The following ARHGAP21 variants were observed in gnomAD, a reference collection of about 807,000 sequenced individuals.
ARHGAP21 encodes rho GTPase-activating protein 21.
Under a neutral mutation model 164.6 loss-of-function variants are expected in ARHGAP21, and 38 were observed. The ratio of observed to expected loss-of-function variants is 0.23; its 90% CI spans 0.18 to 0.30. The LOEUF is 0.30. ARHGAP21 is among the 10% of genes least tolerant of loss of function. The pLI, the probability that ARHGAP21 is intolerant of heterozygous loss-of-function variation, is 1.00. For missense variants in ARHGAP21, 1,822 were observed against 2,370.7 expected, an observed-to-expected ratio of 0.77 and a Z score of 4.81; for synonymous variants, 766 against 857.9, an observed-to-expected ratio of 0.89 and a Z score of 1.87.
At chr10:24,601,110 G>A (rs935057558) in intron 13 of ARHGAP21, among the ~76,000 whole-genome samples, 180 bp from the exon 14 acceptor site, 2 of 152,170 alleles carry the variant, frequency 1.3e-5, no homozygotes, top group African/African-American at 4.8e-5. Context: ...AGCATAAACT[G>A]AGTTAGGCAG....
chr10:24,685,595 G>C (rs1015987856), intron 2 of ARHGAP21, among the ~76,000 whole-genome samples: 14 of 152,244 alleles, frequency 9.2e-5, no homozygotes, highest in Admixed American at 6.5e-4. Flanking sequence ...TTGTCTTCTT[G>C]GCTGGTGCAG....
intron 4 of ARHGAP21, 34 bp downstream of exon 4, chr10:24,666,951 C>T: frequency 7.1e-7 from 1 of 1,411,196 alleles, no homozygotes; most frequent in Middle Eastern, 1.9e-4. Flanking sequence ...GGTAGAAAAA[C>T]ATTCAGAGAT....
chr10:24,607,856 C>T lies in ARHGAP21; in HGVS notation c.2470G>A (p.Ala824Thr). The change falls in exon 10 of 26, where the codon GCC (alanine) becomes ACC (threonine). Residue 824 changes from alanine (A) to threonine (T), a missense_variant. By Grantham distance (58) the Ala-to-Thr change is moderately conservative. This residue lies in a region of ARHGAP21 where 1,090 missense variants were observed against 1,378.9 expected (regional missense o/e 0.79). Coordinates refer to ENST00000396432, the MANE Select transcript of ARHGAP21 (RefSeq NM_020824.4). The part of the protein sequence containing the change: ...SIDHDIAHIP[A>T]SAVISASTSQ... The stretch of plus-strand genomic sequence containing the variant: ...GTAGAGGCTGATATAACAGCAGAGG[C>T]AGGGATATGTGCAATATCATGATCA... 6.2e-7 allele frequency: 1 copy of T among 1,613,956 alleles called. No homozygotes were observed. Among genetic ancestry groups the T allele is most frequent in the Non-Finnish European group, 8.5e-7 (1 of 1,179,956 alleles).
Position 24,590,396 on chromosome 10 carries a change from T to C in ARHGAP21, c.4150+829A>G, listed in dbSNP as rs764011360. The C allele has an allele frequency of 5.2e-5, 80 of 1,535,128 alleles. 1 individual carries two copies. The highest frequency in any genetic ancestry group is 1.1e-4 in the South Asian group (9 of 83,920). ...CTACAGTGTGGACAACAGTCCTCCT[T>C]CTTCCTACAGTTCCAGCTGTCCATC... On this transcript the variant is annotated intron_variant, in intron 24 of 25. Transcript: ENST00000396432.
In ARHGAP21 at chr10:24,585,850, C is replaced by G; in HGVS notation, c.4439G>C (p.Arg1480Thr). ...ATCTTTTGTCGTGCTGGGGTCTTTC[C>G]TAGTGCTGTTTTCTTTGGCAATGAT... is the stretch of plus-strand genomic sequence containing the variant. The part of the protein sequence containing the change: ...KIIIAKENST[R>T]KDPSTTKDEK... The change falls in exon 26 of 26, where the codon AGG becomes ACG. Residue 1480 changes from arginine to threonine, a missense_variant. By Grantham distance (71) the Arg-to-Thr change is moderately conservative. Transcript: ENST00000396432. 1 of 1,613,972 alleles carries G rather than the reference C, an allele frequency of 6.2e-7. No individual in the cohort carries two copies. The highest frequency in any genetic ancestry group is 8.5e-7 in the Non-Finnish European group (1 of 1,179,884).
At chr10:24,616,974 C>T (rs1481354924) in intron 9 of ARHGAP21, among the ~76,000 whole-genome samples, 1 of 152,094 alleles carries the variant, frequency 6.6e-6, no homozygotes, top group African/African-American at 2.4e-5. Context: ...CCTCCTGCAA[C>T]CTTAGTATAT....
At chr10:24,645,323 G>A (rs1337457481) in intron 4 of ARHGAP21, among the ~76,000 whole-genome samples, 1 of 152,168 alleles carries the variant, frequency 6.6e-6, no homozygotes, top group African/African-American at 2.4e-5. Context: ...GCTCATATCT[G>A]TAATCCCAGC....
intron 4 of ARHGAP21, among the ~76,000 whole-genome samples, chr10:24,635,580 T>TC (rs1565068695): frequency 6.6e-6 from 1 of 152,228 alleles, no homozygotes; most frequent in Non-Finnish European, 1.5e-5. Context: ...GGAGTCTCAC[T>TC]CTGTCACCCA....
At chr10:24,606,840 AAAAT>A (rs1311192813) in intron 11 of ARHGAP21, among the ~76,000 whole-genome samples, 2 of 152,222 alleles carry the variant, frequency 1.3e-5, no homozygotes, top group Non-Finnish European at 2.9e-5. Context: ...AAATGTCTCA[AAAAT>A]AAATAAATTT....
chr10:24,721,584 T>C (rs916179888), intron 2 of ARHGAP21, among the ~76,000 whole-genome samples: 2 of 152,192 alleles, frequency 1.3e-5, no homozygotes, highest in Non-Finnish European at 2.9e-5. Flanking sequence ...TTCCTGGCTC[T>C]GAGAAGGGGT....
At chr10:24,589,522 A>C in intron 24 of ARHGAP21, 1 of 479,058 alleles carries the variant, frequency 2.1e-6, no homozygotes, top group African/African-American at 2.0e-5. Context: ...GAACCAGCTC[A>C]ATGATAGAAA....
intron 21 of ARHGAP21, among the ~76,000 whole-genome samples, chr10:24,594,285 A>G (rs2076477310): frequency 6.6e-6 from 1 of 152,208 alleles, no homozygotes; most frequent in African/African-American, 2.4e-5. Flanking sequence ...ACCAAATACC[A>G]TGTGTAGACC....
intron 2 of ARHGAP21, among the ~76,000 whole-genome samples, chr10:24,713,238 T>G (rs1845012806): frequency 6.6e-6 from 1 of 152,120 alleles, no homozygotes; most frequent in Admixed American, 6.5e-5. Context: ...GCAAAGAAGT[T>G]GTGGGATTAT....
intron 4 of ARHGAP21, among the ~76,000 whole-genome samples, chr10:24,646,356 T>C (rs1837570482): frequency 6.6e-6 from 1 of 152,124 alleles, no homozygotes. Flanking sequence ...GCTCAACTTC[T>C]ATGAAATCAA....
At chr10:24,630,779 C>T (rs1022172474) in intron 6 of ARHGAP21, among the ~76,000 whole-genome samples, 1 of 152,186 alleles carries the variant, frequency 6.6e-6, no homozygotes, top group African/African-American at 2.4e-5. Flanking sequence ...AGGCGTGAGC[C>T]ACTGTGCCCA....
chr10:24,655,819 GC>G (rs1160591284), intron 4 of ARHGAP21, among the ~76,000 whole-genome samples: 9 of 137,742 alleles, frequency 6.5e-5, no homozygotes, highest in African/African-American at 1.9e-4. Context: ...GAGCGTCTCT[GC>G]CCGGCCGCCC....
At chr10:24,672,973 G>A (rs1252651812) in intron 2 of ARHGAP21, among the ~76,000 whole-genome samples, 1 of 152,074 alleles carries the variant, frequency 6.6e-6, no homozygotes, top group Non-Finnish European at 1.5e-5. Flanking sequence ...ATTAAAATAT[G>A]AAATATTTAG....
chr10:24,594,613 C>G (rs935126369), intron 21 of ARHGAP21, among the ~76,000 whole-genome samples: 1 of 111,482 alleles, frequency 9.0e-6, no homozygotes, highest in African/African-American at 3.2e-5. Flanking sequence ...TGTCTGTTTT[C>G]CCTGTATTCT....
intron 4 of ARHGAP21, among the ~76,000 whole-genome samples, chr10:24,645,684 T>A (rs925477081): frequency 2.0e-5 from 3 of 152,118 alleles, no homozygotes; most frequent in Admixed American, 6.6e-5. Flanking sequence ...TGTTGTAGGA[T>A]CATGGCACAA....
Sources: allele counts gnomAD v4.1 joint callset (sites outside exome capture counted in the v4.1 genomes callset), GRCh38; gene constraint gnomAD v4.1.1; regional missense constraint gnomAD v4.1.1; transcripts MANE v1.5; gene names NCBI Gene and HGNC (gene_info 2026-07-23, HGNC 2026-07-21).